The following ZNF805 variants were observed in gnomAD, a reference collection of about 807,000 sequenced individuals.
ZNF805 encodes CTC-444N24.8.
In ZNF805, 7 loss-of-function variants were observed where a neutral mutation model predicts 13.6. The ratio of observed to expected loss-of-function variants is 0.51; its 90% CI spans 0.29 to 0.97. The LOEUF (loss-of-function observed/expected upper bound fraction) is 0.97, where lower values mean the gene tolerates loss of function less well. Ranked by LOEUF, ZNF805 falls within the 50% of genes least tolerant of loss-of-function variation. The probability of loss-of-function intolerance (pLI) is 0.08; values close to 1 mark genes in which losing one functional copy is unlikely to be tolerated. For synonymous variants in ZNF805, 293 were observed against 279.8 expected (o/e 1.05, Z -0.47); for missense variants, 604 against 771.0 (o/e 0.78, Z 2.57).
chr19:57,244,272 G>A (rs1235654300), intron 2 of ZNF805, among the ~76,000 whole-genome samples: 3 of 134,904 alleles, frequency 2.2e-5, no homozygotes, highest in Admixed American at 8.5e-5. Flanking sequence ...GCACGAACTC[G>A]GGTCACTGCA....
intron 3 of ZNF805, among the ~76,000 whole-genome samples, chr19:57,250,674 C>T (rs967629105): frequency 1.3e-5 from 2 of 152,208 alleles, no homozygotes; most frequent in African/African-American, 4.8e-5. Flanking sequence ...AGACCTTGTT[C>T]CAGACAGTTA....
Position 57,254,382 on chromosome 19 carries a change from C to T in ZNF805, c.1563C>T (p.Cys521=). The change falls in exon 4 of 4, where the codon TGC becomes TGT. Residue 521 remains cysteine (C), a synonymous_variant. Coordinates refer to ENST00000414468, the MANE Select transcript of ZNF805 (RefSeq NM_001023563.4). The part of the protein sequence containing the change: ...YECIECGKTF[C]WSTNLIRHSI... ...GCATCGAGTGTGGGAAAACATTTTGCTGGAGCACAAACCTCATTCGACACT... is the reference window on the plus strand; with the variant it reads ...GCATCGAGTGTGGGAAAACATTTTGTTGGAGCACAAACCTCATTCGACACT... 1 of 1,613,886 alleles carries T rather than the reference C, an allele frequency of 6.2e-7. No individual in the cohort carries two copies. The highest frequency in any genetic ancestry group is 1.3e-5 in the African/African-American group (1 of 74,932).
rs933943613 is a variant in ZNF805, at chr19:57,258,638, A to G, written c.*3935A>G. Among the ~76,000 whole-genome samples the G allele has an allele frequency of 8.0e-5, 12 of 150,370 alleles. No homozygotes were observed. The highest frequency in any genetic ancestry group is 1.5e-4 in the Non-Finnish European group (10 of 67,448). ...TATAGAAACCTTACTTGGTCCCTTC[A>G]CCTTGCCTGTTAATATAATTGTCTA... On this transcript the variant is annotated 3_prime_UTR_variant, in exon 4 of 4. Transcript: ENST00000414468.
intron 2 of ZNF805, among the ~76,000 whole-genome samples, chr19:57,244,703 G>A (rs10426183): frequency 0.84 from 127,273 of 151,960 alleles, 53,395 homozygotes; most frequent in African/African-American, 0.87. Context: ...ATGGGGTCCT[G>A]GTTTCTCTGT....
At chr19:57,250,060 C>T (rs2087642168) in intron 3 of ZNF805, among the ~76,000 whole-genome samples, 1 of 152,280 alleles carries the variant, frequency 6.6e-6, no homozygotes, top group Non-Finnish European at 1.5e-5. Flanking sequence ...TCCCAAGTTT[C>T]CGTGAATGGT....
intron 3 of ZNF805, among the ~76,000 whole-genome samples, chr19:57,250,150 A>G (rs560949905): frequency 3.0e-4 from 45 of 152,176 alleles, no homozygotes; most frequent in Non-Finnish European, 6.0e-4. Flanking sequence ...CCCTGCATCC[A>G]GCCTATCTCC....
chr19:57,256,900 CTTT>C lies in ZNF805; in HGVS notation c.*2202_*2204del, dbSNP rs946065096. On this transcript the variant is annotated 3_prime_UTR_variant, in exon 4 of 4. Transcript: ENST00000414468. ...GGATGTTTAGGTTATTGATTTGAGG[CTTT>C]TTTTCTTTTTTAATATAAGCTTTAA... is the stretch of plus-strand genomic sequence containing the variant. Among the ~76,000 whole-genome samples the C allele has an allele frequency of 6.6e-6, 1 of 151,888 alleles. No homozygotes were observed. The highest frequency in any genetic ancestry group is 1.5e-5 in the Non-Finnish European group (1 of 67,952).
chr19:57,240,873 A>G lies in ZNF805; in HGVS notation c.-19A>G, dbSNP rs2087574880. 6.5e-7 allele frequency: 1 copy of G among 1,549,702 alleles called. No individual in the cohort carries two copies. The highest frequency in any genetic ancestry group is 8.7e-7 in the Non-Finnish European group (1 of 1,146,050). On this transcript the variant is annotated 5_prime_UTR_variant, in exon 1 of 4. Coordinates refer to ENST00000414468, the MANE Select transcript of ZNF805 (RefSeq NM_001023563.4). ...TGCTCGCCGCAGCCCCCGCCCCGCT[A>G]GGGCCACAGGGTCCCGGTATGGCGA...
Position 57,255,397 on chromosome 19 carries a change from T to G in ZNF805, c.*694T>G, listed in dbSNP as rs2122846278. The stretch of plus-strand genomic sequence containing the variant: ...GATTGGTTTTTCTGTTTTTCAAATA[T>G]TCTTGCTTGGATTTTGATAGAAATT... On this transcript the variant is annotated 3_prime_UTR_variant, in exon 4 of 4. Transcript: ENST00000414468. Among the ~76,000 whole-genome samples the G allele has an allele frequency of 6.6e-6, 1 of 152,284 alleles. No homozygotes were observed. Among genetic ancestry groups the G allele is most frequent in the Admixed American group, 6.5e-5 (1 of 15,304 alleles).
In ZNF805 at chr19:57,253,534, A is replaced by T. The variant is rs754319198; in HGVS notation, c.715A>T (p.Thr239Ser). ...CTATGAATGCACAGAGTGTGGAAAA[A>T]CCTTTAGCAAGAGTACATACCTCCT... ...KPYECTECGK[T>S]FSKSTYLLQH... The change falls in exon 4 of 4, where the codon ACC becomes TCC. Residue 239 changes from threonine (T) to serine (S), a missense_variant. By Grantham distance (58) the Thr-to-Ser change is moderately conservative (BLOSUM62 1). Coordinates refer to ENST00000414468, the MANE Select transcript of ZNF805 (RefSeq NM_001023563.4). This position sits in a 1 kb window ranked among gnomAD's most constrained non-coding sequence, Gnocchi z 4.4. 1.2e-6 allele frequency: 2 copies of T among 1,612,814 alleles called. No homozygotes were observed. Among genetic ancestry groups the T allele is most frequent in the Non-Finnish European group, 1.7e-6 (2 of 1,179,410 alleles).
rs550022912 is a variant in ZNF805 at position 57,260,704 on chromosome 19, A to G, written c.*6001A>G. On this transcript the variant is annotated 3_prime_UTR_variant, in exon 4 of 4. Coordinates refer to ENST00000414468, the MANE Select transcript of ZNF805 (RefSeq NM_001023563.4). The stretch of plus-strand genomic sequence containing the variant: ...TTGCGCTGAAGACACTTTACTCTCA[A>G]TTATCTACAGTGTTTCCCTAAATCT... Among the ~76,000 whole-genome samples, 33 of 152,224 alleles carry G rather than the reference A, an allele frequency of 2.2e-4. No homozygotes were observed. The highest frequency in any genetic ancestry group is 1.0e-3 in the South Asian group (5 of 4,824).
At chr19:57,242,325 T>C (rs2087584630) in intron 1 of ZNF805, among the ~76,000 whole-genome samples, 1 of 152,206 alleles carries the variant, frequency 6.6e-6, no homozygotes, top group South Asian at 2.1e-4. Context: ...GACATTCCAC[T>C]AGAGAGGACT....
At chr19:57,243,800 G>A (rs1255780723) in intron 1 of ZNF805, 123 bp from the exon 2 acceptor site, 2 of 1,355,532 alleles carry the variant, frequency 1.5e-6, no homozygotes, top group South Asian at 2.5e-5. Flanking sequence ...CCTTCAGCCT[G>A]GTACAAAGTT....
rs1485578666 is a variant in ZNF805 at position 57,256,948 on chromosome 19, C to G, written c.*2245C>G. Reference sequence around the variant, plus strand: ...CTTTAAGTTCTATACATTTTTCTTACACTGCTGTTAGTTTCATCCCACAAG... The same window carrying G: ...CTTTAAGTTCTATACATTTTTCTTAGACTGCTGTTAGTTTCATCCCACAAG... On this transcript the variant is annotated 3_prime_UTR_variant, in exon 4 of 4. Coordinates refer to ENST00000414468, the MANE Select transcript of ZNF805 (RefSeq NM_001023563.4). 6.6e-6 allele frequency among the ~76,000 whole-genome samples: 1 copy of G among 152,034 alleles called. No individual in the cohort carries two copies. The highest frequency in any genetic ancestry group is 6.5e-5 in the Admixed American group (1 of 15,268).
intron 2 of ZNF805, among the ~76,000 whole-genome samples, chr19:57,245,597 G>C (rs1040937335): frequency 1.0e-4 from 15 of 148,732 alleles, no homozygotes; most frequent in African/African-American, 3.5e-4. Context: ...GGCTAACACG[G>C]TGCAACCCTG....
At chr19:57,241,886 C>T (rs2087582199) in intron 1 of ZNF805, among the ~76,000 whole-genome samples, 1 of 152,214 alleles carries the variant, frequency 6.6e-6, no homozygotes, top group Non-Finnish European at 1.5e-5. Flanking sequence ...TAAAGTAGTC[C>T]CCTTCTCACC....
chr19:57,243,636 C>T (rs1181857611), intron 1 of ZNF805, among the ~76,000 whole-genome samples: 1 of 152,216 alleles, frequency 6.6e-6, no homozygotes, highest in Non-Finnish European at 1.5e-5. Flanking sequence ...GTCACTATTT[C>T]CTCATTTCTT....
rs999178751 is a variant in ZNF805, at chr19:57,260,964, A to G, written c.*6261A>G. Among the ~76,000 whole-genome samples the G allele has an allele frequency of 6.6e-6, 1 of 152,180 alleles. No individual in the cohort carries two copies. Among genetic ancestry groups the G allele is most frequent in the Non-Finnish European group, 1.5e-5 (1 of 68,028 alleles). ...ACCTTTATGACAACTCCATAATGTT[A>G]TTTCCCCCCTTTAACTGATTAGAAA... is the stretch of plus-strand genomic sequence containing the variant. On this transcript the variant is annotated 3_prime_UTR_variant, in exon 4 of 4. Coordinates refer to ENST00000414468, the MANE Select transcript of ZNF805 (RefSeq NM_001023563.4).
chr19:57,240,661 G>C lies in ZNF805; in HGVS notation c.-231G>C, dbSNP rs2087572606. The stretch of plus-strand genomic sequence containing the variant: ...CCGTCCACGCCGGCTCTAGGGAGGG[G>C]GCGGTGTTCCGTGGCCGCCTCCCTG... On this transcript the variant is annotated 5_prime_UTR_variant, in exon 1 of 4. Coordinates refer to ENST00000414468, the MANE Select transcript of ZNF805 (RefSeq NM_001023563.4). 1 of 515,006 alleles carries C rather than the reference G, an allele frequency of 1.9e-6. No individual in the cohort carries two copies. The highest frequency in any genetic ancestry group is 3.5e-5 in the Admixed American group (1 of 28,826). 31.9% of individuals were successfully genotyped at this position (515,006 alleles called of 1,614,324 possible). A position where few individuals can be genotyped will look rare whatever the true frequency, so the allele number is the denominator to read the frequency against.
Sources: gnomAD v4.1 joint callset for allele counts (sites outside exome capture counted in the v4.1 genomes callset) on GRCh38, gnomAD v4.1.1 for gene constraint, Gnocchi (gnomAD v3.1) non-coding constraint, MANE v1.5 for transcripts, NCBI Gene and HGNC (gene_info 2026-07-23, HGNC 2026-07-21) for gene names.